POM121C: variants seen among roughly 807,000 people sequenced by gnomAD.
The protein encoded by POM121C is nuclear envelope pore membrane protein POM 121C.
A neutral mutation model predicts 66.4 loss-of-function variants in POM121C; 20 were observed. The ratio of observed to expected loss-of-function variants is 0.30; its 90% CI spans 0.21 to 0.44. The LOEUF is 0.44. Ranked by LOEUF, POM121C falls within the 20% of genes least tolerant of loss-of-function variation. The pLI, the probability that POM121C is intolerant of heterozygous loss-of-function variation, is 1.00. For synonymous variants in POM121C, 286 were observed against 528.0 expected (o/e 0.54, Z 6.28); for missense variants, 580 against 1,225.7 (o/e 0.47, Z 7.87).
intron 1 of POM121C, among the ~76,000 whole-genome samples, chr7:75,479,190 T>C (rs1792209180): frequency 6.6e-6 from 1 of 152,126 alleles, no homozygotes; most frequent in Non-Finnish European, 1.5e-5. Context: ...CATCATCAAC[T>C]AGAAGAAATG....
chr7:75,467,157 T>C (rs1342368911), intron 3 of POM121C, among the ~76,000 whole-genome samples: 1 of 152,202 alleles, frequency 6.6e-6, no homozygotes, highest in Non-Finnish European at 1.5e-5. Context: ...TTTTAGAAAA[T>C]GCAGTGTCCC....
At chr7:75,463,186 T>C (rs1791505690) in intron 3 of POM121C, among the ~76,000 whole-genome samples, 1 of 151,874 alleles carries the variant, frequency 6.6e-6, no homozygotes, top group South Asian at 2.1e-4. Flanking sequence ...AAGCCGGGTG[T>C]GGTGGAAAAT....
At chr7:75,450,688 C>T (rs1405869172) in intron 3 of POM121C, among the ~76,000 whole-genome samples, 2 of 152,244 alleles carry the variant, frequency 1.3e-5, no homozygotes, top group African/African-American at 2.4e-5. Context: ...AATGATAAAT[C>T]TTTGCACAAA....
At chr7:75,440,436 C>A (rs587640292) in intron 5 of POM121C, among the ~76,000 whole-genome samples, 1 of 151,476 alleles carries the variant, frequency 6.6e-6, no homozygotes, top group Non-Finnish European at 1.5e-5. Flanking sequence ...GGCATGGTGG[C>A]GGGCGCCTGT....
intron 7 of POM121C, among the ~76,000 whole-genome samples, chr7:75,426,912 GAA>G (rs1554471785): frequency 6.8e-6 from 1 of 146,202 alleles, no homozygotes; most frequent in African/African-American, 2.5e-5. Flanking sequence ...AGCAAAAAAA[GAA>G]AAGTCTATAA....
intron 3 of POM121C, among the ~76,000 whole-genome samples, chr7:75,470,711 C>T (rs1554478522): frequency 1.3e-5 from 2 of 151,854 alleles, no homozygotes; most frequent in East Asian, 2.0e-4. Context: ...CAGCCCACTG[C>T]AGCCTTGACC....
Position 75,417,462 on chromosome 7 carries a change from T to C in POM121C, c.*1334A>G, listed in dbSNP as rs1445689138. On this transcript the variant is annotated 3_prime_UTR_variant, in exon 15 of 15. Coordinates refer to ENST00000615331, the MANE Select transcript of POM121C (RefSeq NM_001099415.3). ...AAAAAACGTTTAAATATTTTTTTCT[T>C]TTAATTTAGACACACGCATTCATAC... 2 of 972,066 alleles carry C rather than the reference T, an allele frequency of 2.1e-6. No homozygotes were observed. Among genetic ancestry groups the C allele is most frequent in the Non-Finnish European group, 2.4e-6 (2 of 817,406 alleles). The allele number at this position is 972,066 out of a possible 1,614,324, so 60.2% of individuals were successfully genotyped here. A position where few individuals can be genotyped will look rare whatever the true frequency, so the allele number is the denominator to read the frequency against.
At chr7:75,444,747 G>T (rs1395428780) in intron 3 of POM121C, among the ~76,000 whole-genome samples, 1 of 143,156 alleles carries the variant, frequency 7.0e-6, no homozygotes, top group African/African-American at 2.5e-5. Flanking sequence ...CGAGGCTGGT[G>T]GATTGCTTTG....
At chr7:75,424,380 A>G (rs1789851879) in intron 11 of POM121C, 146 bp downstream of exon 11, 2 of 1,252,020 alleles carry the variant, frequency 1.6e-6, no homozygotes, top group Non-Finnish European at 1.1e-6. Context: ...ACCAACACGG[A>G]TATCTCAGGT....
chr7:75,475,570 C>T (rs1432130784), intron 1 of POM121C, among the ~76,000 whole-genome samples: 3 of 150,854 alleles, frequency 2.0e-5, no homozygotes, highest in Non-Finnish European at 4.4e-5. Context: ...TCTCCGGGAC[C>T]TCTTCATGTT....
intron 7 of POM121C, among the ~76,000 whole-genome samples, chr7:75,430,869 G>T (rs1395227122): frequency 6.6e-6 from 1 of 152,028 alleles, no homozygotes; most frequent in African/African-American, 2.4e-5. Flanking sequence ...GAGGTCAGGA[G>T]ATTGAGACCA....
chr7:75,433,913 A>G lies in POM121C; in HGVS notation c.480+3602T>C, dbSNP rs587750913. Among the ~76,000 whole-genome samples, 14 of 152,324 alleles carry G rather than the reference A, an allele frequency of 9.2e-5. No homozygotes were observed. In the South Asian group the frequency reaches 2.5e-3, roughly 27 times the overall value. ...CATTAAATCCTTGTATCCATTTCCCAGTATGTGTGTAGGATAACTTCCTAA... is the reference window on the plus strand; with the variant it reads ...CATTAAATCCTTGTATCCATTTCCCGGTATGTGTGTAGGATAACTTCCTAA... On this transcript the variant is annotated intron_variant, in intron 7 of 14. Coordinates refer to ENST00000615331, the MANE Select transcript of POM121C (RefSeq NM_001099415.3).
chr7:75,434,442 A>AT (rs880001729), intron 7 of POM121C, among the ~76,000 whole-genome samples: 1 of 151,676 alleles, frequency 6.6e-6, no homozygotes, highest in East Asian at 1.9e-4. Flanking sequence ...ACCTGGTTAA[A>AT]TTTTTTGTAT....
chr7:75,481,949 T>C, intron 1 of POM121C, among the ~76,000 whole-genome samples: 1 of 151,874 alleles, frequency 6.6e-6, no homozygotes. Flanking sequence ...AAGTCAATAG[T>C]TCTTAACTTC....
chr7:75,439,371 A>G, intron 5 of POM121C, 147 bp from the exon 6 acceptor site: 1 of 1,256,364 alleles, frequency 8.0e-7, no homozygotes, highest in East Asian at 2.4e-5. Flanking sequence ...AAAATCCCTA[A>G]GTTTCTGAAA....
Position 75,441,617 on chromosome 7 carries a change from T to A in POM121C, c.-121A>T, listed in dbSNP as rs1554474024. The A allele has an allele frequency of 1.3e-6, 2 of 1,569,254 alleles. No homozygotes were observed. Among genetic ancestry groups the A allele is most frequent in the Non-Finnish European group, 8.6e-7 (1 of 1,156,418 alleles). On this transcript the variant is annotated 5_prime_UTR_variant, in exon 4 of 15. Transcript: ENST00000615331. The stretch of plus-strand genomic sequence containing the variant: ...TCGGATAGCGTCTTCGAGGTGTTAT[T>A]ACAAACCGATCTGGTAAAGTCCCAC...
chr7:75,469,060 C>T (rs1791778847), intron 3 of POM121C, among the ~76,000 whole-genome samples: 1 of 152,028 alleles, frequency 6.6e-6, no homozygotes, highest in African/African-American at 2.4e-5. Flanking sequence ...TTCTCTTACA[C>T]ACTGCATGCA....
chr7:75,417,669 G>C lies in POM121C; in HGVS notation c.*1127C>G, dbSNP rs1348387607. ...TTTGGGTGACGTAGCCTCCAGTGAG[G>C]TCAGTTAAGTGGGACAGAAACCGCA... On this transcript the variant is annotated 3_prime_UTR_variant, in exon 15 of 15. Transcript: ENST00000615331. 2 of 985,662 alleles carry C rather than the reference G, an allele frequency of 2.0e-6. No homozygotes were observed. The highest frequency in any genetic ancestry group is 3.5e-5 in the African/African-American group (2 of 57,210). The allele number at this position is 985,662 out of a possible 1,614,324, so 61.1% of individuals were successfully genotyped here.
chr7:75,475,007 C>A (rs1344414821), intron 2 of POM121C, 55 bp downstream of exon 2: 1 of 1,468,202 alleles, frequency 6.8e-7, no homozygotes, highest in Admixed American at 1.7e-5. Context: ...TTTCTTCAAA[C>A]TCAAGCATAA....
Sources: gnomAD v4.1 joint callset for allele counts (sites outside exome capture counted in the v4.1 genomes callset) on GRCh38, gnomAD v4.1.1 for gene constraint, MANE v1.5 for transcripts, NCBI Gene and HGNC (gene_info 2026-07-23, HGNC 2026-07-21) for gene names.